Variants in DNAI2 observed in about 807,000 individuals in gnomAD.
The protein encoded by DNAI2 is dynein axonemal intermediate chain 2.
In DNAI2, 63 loss-of-function variants were observed where a neutral mutation model predicts 74.7. The observed-to-expected ratio is 0.84, with a 90% CI of 0.69 to 1.04. DNAI2 has a LOEUF of 1.04. DNAI2 is among the 50% of genes least tolerant of loss of function. DNAI2 has a pLI of 0.00. For missense variants in DNAI2, 688 were observed against 803.2 expected (o/e 0.86, Z 1.73); for synonymous variants, 289 against 314.9 (o/e 0.92, Z 0.87).
intron 11 of DNAI2, among the ~76,000 whole-genome samples, chr17:74,310,570 G>T (rs767036995): frequency 3.3e-5 from 5 of 151,222 alleles, no homozygotes; most frequent in South Asian, 4.2e-4. Context: ...ACAAAGTCAC[G>T]CTCTGTTGCC....
rs531049751 is a variant in DNAI2 at position 74,312,667 on chromosome 17, T to C, written c.1722+437T>C. ...CATGCTGGCTTACCCAGGTTTGGTG[T>C]CAGGAGTGTGACCTGTGGTCAGCTC... On this transcript the variant is annotated intron_variant, in intron 12 of 13. Coordinates refer to ENST00000311014, the MANE Select transcript of DNAI2 (RefSeq NM_023036.6). Among the ~76,000 whole-genome samples, 10 of 152,290 alleles carry C rather than the reference T, an allele frequency of 6.6e-5. No individual in the cohort carries two copies. The South Asian group carries it at 1.2e-3, about 19-fold the overall frequency.
At chr17:74,309,525 C>A in intron 10 of DNAI2, 137 bp downstream of exon 10, 2 of 1,234,338 alleles carry the variant, frequency 1.6e-6, no homozygotes, top group Non-Finnish European at 2.3e-6. Flanking sequence ...GAGCCGTGTG[C>A]AGGCTGACTG....
intron 1 of DNAI2, among the ~76,000 whole-genome samples, chr17:74,278,619 T>C (rs1228088687): frequency 1.3e-5 from 2 of 152,118 alleles, no homozygotes; most frequent in Admixed American, 6.6e-5. Flanking sequence ...TCTCTTTTTG[T>C]TAACATTGTT....
At position 74,310,025 on chromosome 17, in the gene DNAI2, C is replaced by T. The variant is rs748264709; in HGVS notation, c.1356C>T (p.Asp452=). 82 of 1,613,720 alleles carry T rather than the reference C, an allele frequency of 5.1e-5. No individual in the cohort carries two copies. In the African/African-American group the frequency reaches 5.2e-4, roughly 10 times the overall value. Residue 452 remains aspartate (D), a synonymous_variant, in exon 11 of 14, where the codon GAC becomes GAT. Transcript: ENST00000311014. ...CCCGGCCCCTTCAATAGGTGTGTGA[C>T]GAGGCCCTCTTCTGCCTCCGGGTGC... The part of the protein sequence containing the change: ...CDPTLSLKVC[D]EALFCLRVQD...
intron 5 of DNAI2, 143 bp downstream of exon 5, chr17:74,289,879 C>A: frequency 1.0e-6 from 1 of 970,136 alleles, no homozygotes; most frequent in Non-Finnish European, 1.6e-6. Context: ...CGAGGAGGAA[C>A]ACACTCTTCT....
At chr17:74,303,303 G>A (rs1024942892) in intron 8 of DNAI2, among the ~76,000 whole-genome samples, 5 of 152,264 alleles carry the variant, frequency 3.3e-5, no homozygotes, top group Non-Finnish European at 5.9e-5. Flanking sequence ...CTAGAGGCAC[G>A]ATGGGCCACT....
chr17:74,302,365 C>T (rs967729598), intron 8 of DNAI2, among the ~76,000 whole-genome samples: 4 of 152,106 alleles, frequency 2.6e-5, no homozygotes, highest in African/African-American at 7.2e-5. Flanking sequence ...GTTGGGAGTT[C>T]GAGGCCAGCC....
At chr17:74,297,327 C>G (rs541238522) in intron 6 of DNAI2, among the ~76,000 whole-genome samples, 1 of 151,194 alleles carries the variant, frequency 6.6e-6, no homozygotes, top group Non-Finnish European at 1.5e-5. Context: ...CTCTTGACCT[C>G]GTGATCTGCC....
chr17:74,298,781 G>A (rs183514797), intron 6 of DNAI2, among the ~76,000 whole-genome samples: 18 of 152,154 alleles, frequency 1.2e-4, no homozygotes, highest in Admixed American at 3.3e-4. Flanking sequence ...GTGCCACCAT[G>A]CCCAGCTAGG....
At chr17:74,293,133 T>C (rs2052230333) in intron 6 of DNAI2, among the ~76,000 whole-genome samples, 2 of 152,196 alleles carry the variant, frequency 1.3e-5, no homozygotes, top group African/African-American at 4.8e-5. Context: ...GCACCTGGCC[T>C]GTCCAGTGGA....
chr17:74,283,161 G>A (rs962387794), intron 2 of DNAI2, among the ~76,000 whole-genome samples: 2 of 152,238 alleles, frequency 1.3e-5, no homozygotes, highest in Non-Finnish European at 2.9e-5. Context: ...GACTTCATGA[G>A]GATGGGGTTT....
At chr17:74,303,431 G>A (rs1005274999) in intron 8 of DNAI2, among the ~76,000 whole-genome samples, 1 of 152,090 alleles carries the variant, frequency 6.6e-6, no homozygotes, top group Non-Finnish European at 1.5e-5. Flanking sequence ...CGCCCAACTT[G>A]AAGCCCAGGT....
rs1232441993 is a variant in DNAI2, at chr17:74,314,633, C to A, written c.*100C>A. ...TGGCCATGGCAGGGCCTCGGGAAGA[C>A]CTTCAGGAGTGGGGAAGGGTTTCTC... On this transcript the variant is annotated 3_prime_UTR_variant, in exon 14 of 14. Transcript: ENST00000311014. The A allele has an allele frequency of 1.9e-5, 5 of 258,900 alleles. No homozygotes were observed. The highest frequency in any genetic ancestry group is 3.9e-5 in the Non-Finnish European group (5 of 128,088). The allele number at this position is 258,900 out of a possible 1,614,324, so 16.0% of individuals were successfully genotyped here. A position where few individuals can be genotyped will look rare whatever the true frequency, so the allele number is the denominator to read the frequency against.
At chr17:74,287,663 G>A (rs2051831642) in intron 4 of DNAI2, among the ~76,000 whole-genome samples, 1 of 152,198 alleles carries the variant, frequency 6.6e-6, no homozygotes, top group Admixed American at 6.5e-5. Context: ...CTGGTAAAGC[G>A]AGCGGGGCAG....
At chr17:74,309,500 T>A (rs776869031) in intron 10 of DNAI2, 112 bp downstream of exon 10, 3 of 1,444,118 alleles carry the variant, frequency 2.1e-6, no homozygotes, top group Non-Finnish European at 2.9e-6. Flanking sequence ...CAGGTGTGTT[T>A]GGGCCTCTGT....
chr17:74,312,363 A>T, intron 12 of DNAI2, 133 bp downstream of exon 12: 2 of 695,780 alleles, frequency 2.9e-6, no homozygotes, highest in Non-Finnish European at 4.8e-6. Flanking sequence ...TAATTTATTC[A>T]CCTGGCAAGT....
At chr17:74,277,679 C>G (rs1180251793) in intron 1 of DNAI2, among the ~76,000 whole-genome samples, 2 of 152,212 alleles carry the variant, frequency 1.3e-5, no homozygotes, top group African/African-American at 4.8e-5. Flanking sequence ...CCTTGTAGCC[C>G]TGGAGGCGGG....
intron 6 of DNAI2, 107 bp from the exon 7 acceptor site, chr17:74,299,611 C>A: frequency 6.8e-7 from 1 of 1,474,922 alleles, no homozygotes; most frequent in African/African-American, 1.4e-5. Context: ...TAGAAAACCA[C>A]ATACCTGCCA....
chr17:74,286,842 C>A, intron 3 of DNAI2, 135 bp from the exon 4 acceptor site: 1 of 1,135,566 alleles, frequency 8.8e-7, no homozygotes, highest in Non-Finnish European at 1.3e-6. Flanking sequence ...GAAAATTCCT[C>A]CATTGAAAGC....
Sources: gnomAD v4.1 joint callset for allele counts (sites outside exome capture counted in the v4.1 genomes callset) on GRCh38, gnomAD v4.1.1 for gene constraint, MANE v1.5 for transcripts, NCBI Gene and HGNC (gene_info 2026-07-23, HGNC 2026-07-21) for gene names.